NID2: variants seen among roughly 807,000 people sequenced by gnomAD.
The protein encoded by NID2 is nidogen 2.
Under a neutral mutation model 145.4 loss-of-function variants are expected in NID2, and 83 were observed. The observed-to-expected ratio is 0.57, with a 90% CI of 0.48 to 0.69. The LOEUF is 0.69. Among genes scored for constraint, NID2 ranks in the 30% least tolerant of loss-of-function variants. The pLI is 0.00. For synonymous variants in NID2, 739 were observed against 701.3 expected (o/e 1.05, Z -0.85); for missense variants, 1,807 against 1,765.7 (o/e 1.02, Z -0.42).
chr14:52,017,130 C>A (rs1891237735), intron 14 of NID2, among the ~76,000 whole-genome samples: 1 of 152,188 alleles, frequency 6.6e-6, no homozygotes, highest in Non-Finnish European at 1.5e-5. Flanking sequence ...CCCTGCTCCA[C>A]ATTCAGAACT....
chr14:52,053,629 C>T lies in NID2; in HGVS notation c.1379G>A (p.Arg460Gln), dbSNP rs146044251. 14 of 1,614,116 alleles carry T rather than the reference C, an allele frequency of 8.7e-6. No homozygotes were observed. The highest frequency in any genetic ancestry group is 1.6e-4 in the Middle Eastern group (1 of 6,082). ...TTCCAGTCCCACCTCATACGTCCCT[C>T]GACTTAAGGGTGTAGTGTGACCTGA... is the stretch of plus-strand genomic sequence containing the variant. ...PASGHTTPLSRGTYEVGLEDN... is the reference protein window; with the variant it reads ...PASGHTTPLSQGTYEVGLEDN... Residue 460 changes from arginine to glutamine, a missense_variant, in exon 5 of 22, where the codon CGA becomes CAA. Arg to Gln is a conservative substitution (Grantham distance 43). Coordinates refer to ENST00000216286, the MANE Select transcript of NID2 (RefSeq NM_007361.4).
At chr14:52,011,854 C>A in intron 16 of NID2, 171 bp from the exon 17 acceptor site, 1 of 726,494 alleles carries the variant, frequency 1.4e-6, no homozygotes, top group South Asian at 1.8e-5. Flanking sequence ...CTAGGCTCAG[C>A]CACTTAGTAG....
intron 9 of NID2, 107 bp from the exon 10 acceptor site, chr14:52,029,797 C>G (rs1223782207): frequency 2.2e-6 from 2 of 896,476 alleles, no homozygotes; most frequent in Admixed American, 4.9e-5. Flanking sequence ...TTTTGTGACA[C>G]ACCGGAAGAC....
intron 14 of NID2, among the ~76,000 whole-genome samples, chr14:52,015,752 C>T (rs1891194800): frequency 6.6e-6 from 1 of 152,200 alleles, no homozygotes; most frequent in African/African-American, 2.4e-5. Flanking sequence ...AAGCTTCAAG[C>T]TCGAAGCTGC....
chr14:52,016,082 C>T (rs549836791), intron 14 of NID2, among the ~76,000 whole-genome samples: 4 of 152,274 alleles, frequency 2.6e-5, no homozygotes, highest in Non-Finnish European at 5.9e-5. Context: ...CTTGTCCCCT[C>T]CCTCACAGCT....
At chr14:52,049,019 G>A (rs778955084) in intron 5 of NID2, among the ~76,000 whole-genome samples, 25 of 152,152 alleles carry the variant, frequency 1.6e-4, no homozygotes, top group African/African-American at 2.9e-4. Flanking sequence ...CTCCTGCCAC[G>A]GAGAGTCAGA....
At chr14:52,030,342 G>C (rs1045003160) in intron 9 of NID2, among the ~76,000 whole-genome samples, 3 of 151,822 alleles carry the variant, frequency 2.0e-5, no homozygotes, top group Non-Finnish European at 4.4e-5. Context: ...ATCTCCCCTA[G>C]AGAAATCTAT....
At position 52,053,766 on chromosome 14, in the gene NID2, G is replaced by A. The variant is rs1892755636; in HGVS notation, c.1242C>T (p.Tyr414=). The A allele has an allele frequency of 4.3e-6, 7 of 1,614,214 alleles. No homozygotes were observed. The highest frequency in any genetic ancestry group is 5.9e-6 in the Non-Finnish European group (7 of 1,180,034). Residue 414 remains tyrosine (Y), a synonymous_variant, in exon 5 of 22, where the codon TAC becomes TAT. Transcript: ENST00000216286. ...LAPSWETPPP[Y]PENGSIQPYP... is the part of the protein sequence containing the mutation. Reference sequence around the variant, plus strand: ...AGGGCTGGATGCTTCCGTTTTCGGGGTACGGTGGTGGGGTTTCCCAGGAAG... The same window carrying A: ...AGGGCTGGATGCTTCCGTTTTCGGGATACGGTGGTGGGGTTTCCCAGGAAG...
At chr14:52,038,512 A>G (rs1353374107) in intron 9 of NID2, among the ~76,000 whole-genome samples, 1 of 152,104 alleles carries the variant, frequency 6.6e-6, no homozygotes, top group East Asian at 1.9e-4. Context: ...ATTGCTATAA[A>G]CCAGCTTCAC....
In NID2 at chr14:52,007,946, C is replaced by G. The variant is rs2140340629; in HGVS notation, c.3744G>C (p.Trp1248Cys). The G allele has an allele frequency of 6.2e-7, 1 of 1,612,018 alleles. No individual in the cohort carries two copies. The highest frequency in any genetic ancestry group is 2.2e-5 in the East Asian group (1 of 44,862). The change falls in exon 19 of 22, where the codon TGG becomes TGC. Residue 1248 changes from tryptophan (W) to cysteine (C), a missense_variant. Coordinates refer to ENST00000216286, the MANE Select transcript of NID2 (RefSeq NM_007361.4). ...PIRGNLYWTDWNREAPKIETS... is the reference protein window; with the variant it reads ...PIRGNLYWTDCNREAPKIETS... ...TTTCAATTTTAGGAGCTTCTCTATT[C>G]CAGTCTGTCCAGTACAAGTTGCTGT...
At chr14:52,051,620 T>C (rs1045708111) in intron 5 of NID2, among the ~76,000 whole-genome samples, 5 of 152,214 alleles carry the variant, frequency 3.3e-5, no homozygotes, top group Non-Finnish European at 2.9e-5. Context: ...GAGCCTCCAA[T>C]GTTTTATGTG....
At chr14:52,031,204 T>C (rs1205688572) in intron 9 of NID2, among the ~76,000 whole-genome samples, 1 of 151,116 alleles carries the variant, frequency 6.6e-6, no homozygotes, top group Non-Finnish European at 1.5e-5. Context: ...AGAATGAATC[T>C]ATCAACTCTG....
rs1328018969 is a variant in NID2 at position 52,042,850 on chromosome 14, T to C, written c.1511A>G (p.Tyr504Cys). 3.1e-6 allele frequency: 5 copies of C among 1,614,072 alleles called. No individual in the cohort carries two copies. The highest frequency in any genetic ancestry group is 1.3e-5 in the African/African-American group (1 of 74,922). ...QCSRHAFCTDYATGFCCHCQS... is the reference protein window; with the variant it reads ...QCSRHAFCTDCATGFCCHCQS... ...GCAGTGGCAGCAGAAGCCAGTGGCATAGTCCGTGCAGAAGGCATGCCGGGA... is the reference window on the plus strand; with the variant it reads ...GCAGTGGCAGCAGAAGCCAGTGGCACAGTCCGTGCAGAAGGCATGCCGGGA... Residue 504 changes from tyrosine to cysteine, a missense_variant, in exon 6 of 22, where the codon TAT becomes TGT. Transcript: ENST00000216286.
At chr14:52,047,015 A>C (rs1892523997) in intron 5 of NID2, among the ~76,000 whole-genome samples, 1 of 152,216 alleles carries the variant, frequency 6.6e-6, no homozygotes, top group African/African-American at 2.4e-5. Flanking sequence ...GTTAGGTGAA[A>C]GGTAAATGCT....
At chr14:52,058,130 C>T (rs769904200) in intron 3 of NID2, among the ~76,000 whole-genome samples, 3 of 152,202 alleles carry the variant, frequency 2.0e-5, no homozygotes, top group Non-Finnish European at 2.9e-5. Context: ...ATCAGAAATA[C>T]ATGAAATGTT....
chr14:52,047,847 T>A (rs1011086489), intron 5 of NID2, among the ~76,000 whole-genome samples: 1 of 152,114 alleles, frequency 6.6e-6, no homozygotes, highest in Non-Finnish European at 1.5e-5. Context: ...CACAGCACCA[T>A]GCAGTCCTTC....
chr14:52,029,842 A>C, intron 9 of NID2, 152 bp from the exon 10 acceptor site: 3 of 629,440 alleles, frequency 4.8e-6, no homozygotes, highest in Non-Finnish European at 8.0e-6. Flanking sequence ...GCTAGGGTGG[A>C]TTTTCTGCAC....
chr14:52,031,099 C>T (rs961186394), intron 9 of NID2, among the ~76,000 whole-genome samples: 3 of 152,148 alleles, frequency 2.0e-5, no homozygotes, highest in Non-Finnish European at 4.4e-5. Context: ...TGCTTTCCAC[C>T]GCTTTGCTGC....
chr14:52,041,962 G>T, intron 7 of NID2, 143 bp downstream of exon 7: 1 of 1,013,458 alleles, frequency 9.9e-7, no homozygotes, highest in Non-Finnish European at 1.4e-6. Flanking sequence ...AACAACCTGT[G>T]GCCAGAAAAC....
Sources: gnomAD v4.1 joint callset for allele counts (sites outside exome capture counted in the v4.1 genomes callset) on GRCh38, gnomAD v4.1.1 for gene constraint, MANE v1.5 for transcripts, NCBI Gene and HGNC (gene_info 2026-07-23, HGNC 2026-07-21) for gene names.